Variants in RNLS observed in about 807,000 individuals in gnomAD.
The protein encoded by RNLS is renalase.
In RNLS, 39 loss-of-function variants were observed where a neutral mutation model predicts 39.8. That is an observed-to-expected ratio of 0.98 (90% CI 0.76 to 1.28). RNLS has a LOEUF of 1.28. Among genes scored for constraint, RNLS ranks in the 50% most tolerant of loss-of-function variants. RNLS has a pLI of 0.00. For missense variants in RNLS, 410 were observed against 413.3 expected (o/e 0.99, Z 0.07); for synonymous variants, 147 against 150.7 (o/e 0.98, Z 0.18).
chr10:88,447,091 G>C (rs533647591), intron 4 of RNLS, among the ~76,000 whole-genome samples: 1 of 152,194 alleles, frequency 6.6e-6, no homozygotes, highest in African/African-American at 2.4e-5. Flanking sequence ...CATTCCCTTT[G>C]AAAACTGGCA....
intron 4 of RNLS, among the ~76,000 whole-genome samples, chr10:88,512,514 G>GT (rs1259624720): frequency 6.6e-6 from 1 of 152,044 alleles, no homozygotes; most frequent in Non-Finnish European, 1.5e-5. Flanking sequence ...CAAACTTGTC[G>GT]TTTTTTTATG....
At chr10:88,480,526 A>T (rs1844096560) in intron 4 of RNLS, among the ~76,000 whole-genome samples, 1 of 152,212 alleles carries the variant, frequency 6.6e-6, no homozygotes, top group South Asian at 2.1e-4. Flanking sequence ...GCTTCAAGCG[A>T]TTCTCCTGCC....
intron 4 of RNLS, among the ~76,000 whole-genome samples, chr10:88,486,285 A>T (rs989146927): frequency 1.3e-5 from 2 of 152,176 alleles, no homozygotes; most frequent in African/African-American, 4.8e-5. Flanking sequence ...CAACATAGGC[A>T]ATACTATCCT....
At chr10:88,351,448 G>A (rs1184990621) in intron 5 of RNLS, among the ~76,000 whole-genome samples, 3 of 152,144 alleles carry the variant, frequency 2.0e-5, no homozygotes, top group African/African-American at 7.2e-5. Context: ...TCCTACATAT[G>A]GCTAGCCAGT....
intron 4 of RNLS, among the ~76,000 whole-genome samples, chr10:88,464,004 G>A (rs1220405491): frequency 2.0e-5 from 3 of 152,016 alleles, no homozygotes; most frequent in Non-Finnish European, 2.9e-5. Context: ...GTAGAACAAT[G>A]AAAAGAGTGC....
intron 4 of RNLS, among the ~76,000 whole-genome samples, chr10:88,473,189 G>T (rs1843641401): frequency 6.6e-6 from 1 of 152,108 alleles, no homozygotes; most frequent in African/African-American, 2.4e-5. Context: ...AATATCGTAG[G>T]ATAATCTTAT....
chr10:88,569,560 TAAGTTGATAAA>T (rs1338189820), intron 4 of RNLS, among the ~76,000 whole-genome samples: 1 of 152,122 alleles, frequency 6.6e-6, no homozygotes, highest in African/African-American at 2.4e-5. Flanking sequence ...TGAAAATAAG[TAAGTTGATAAA>T]AAGTAAATGA....
rs543473406 is a variant in RNLS, at chr10:88,578,430, A to C, written c.367+3137T>G. Among the ~76,000 whole-genome samples the C allele has an allele frequency of 1.2e-3, 182 of 152,266 alleles. 1 individual carries two copies. Among genetic ancestry groups the C allele is most frequent in the African/African-American group, 4.2e-3 (173 of 41,564 alleles). On this transcript the variant is annotated intron_variant, in intron 3 of 6. Coordinates refer to ENST00000331772, the MANE Select transcript of RNLS (RefSeq NM_001031709.3). ...AATGTTTTTGTGGACCATTTATAGA[A>C]TAGAAAGGTTAAAGGGACTTAAAGA... is the stretch of plus-strand genomic sequence containing the variant.
At chr10:88,241,760 G>T in the RNLS span, among the ~76,000 whole-genome samples, 1 of 152,154 alleles carries the variant, frequency 6.6e-6, no homozygotes, top group African/African-American at 2.4e-5. Context: ...AGTCCTTCCT[G>T]TTCTCCCCTC....
At chr10:88,390,165 G>C (rs960719288) in intron 4 of RNLS, among the ~76,000 whole-genome samples, 1 of 152,224 alleles carries the variant, frequency 6.6e-6, no homozygotes, top group African/African-American at 2.4e-5. Flanking sequence ...CCTTGAAACT[G>C]TGTTGTGACC....
intron 4 of RNLS, among the ~76,000 whole-genome samples, chr10:88,421,742 T>A (rs1298649090): frequency 6.6e-6 from 1 of 152,168 alleles, no homozygotes; most frequent in African/African-American, 2.4e-5. Flanking sequence ...TATCATGGCA[T>A]TTAAGGTTCC....
intron 4 of RNLS, among the ~76,000 whole-genome samples, chr10:88,365,514 ATAACAC>A (rs1197044254): frequency 3.3e-5 from 3 of 90,780 alleles, no homozygotes; most frequent in Non-Finnish European, 6.5e-5. Context: ...ATAGGATTAT[ATAACAC>A]ACACACACAC....
the RNLS span, among the ~76,000 whole-genome samples, chr10:88,241,215 T>C: frequency 6.6e-6 from 1 of 151,548 alleles, no homozygotes; most frequent in Non-Finnish European, 1.5e-5. Context: ...AATGGTTATT[T>C]GTTAGGGGTT....
chr10:88,287,069 A>G (rs543437008), intron 6 of RNLS, among the ~76,000 whole-genome samples: 1 of 152,218 alleles, frequency 6.6e-6, no homozygotes, highest in East Asian at 1.9e-4. Flanking sequence ...GATTACAGGC[A>G]TAAGCCACCA....
intron 4 of RNLS, among the ~76,000 whole-genome samples, chr10:88,485,565 A>G (rs1844445683): frequency 6.6e-6 from 1 of 151,398 alleles, no homozygotes; most frequent in African/African-American, 2.4e-5. Context: ...AATTACTCCA[A>G]TATTGCCATA....
the RNLS span, among the ~76,000 whole-genome samples, chr10:88,192,563 G>A: frequency 6.6e-6 from 1 of 152,178 alleles, no homozygotes; most frequent in Non-Finnish European, 1.5e-5. Context: ...GTATTGTTTG[G>A]AATTTTCCAC....
intron 4 of RNLS, among the ~76,000 whole-genome samples, chr10:88,364,113 T>C (rs1315975664): frequency 6.6e-6 from 1 of 152,174 alleles, no homozygotes; most frequent in Non-Finnish European, 1.5e-5. Context: ...AGCTGCTTGT[T>C]TATGTATGTA....
Position 88,275,051 on chromosome 10 carries a change from T to G in RNLS, c.877-19A>C, listed in dbSNP as rs975207712. 4.4e-6 allele frequency: 7 copies of G among 1,599,470 alleles called. No individual in the cohort carries two copies. In the Admixed American group the frequency reaches 8.3e-5, roughly 19 times the overall value. ...TTGGTACCTGAAAATCAAAGGAATA[T>G]CCTTCAACCCCAGTGCCACCCAACA... On this transcript the variant is annotated intron_variant, in intron 6 of 6. Transcript: ENST00000371947.
chr10:88,404,260 G>T (rs1447830327), intron 4 of RNLS, among the ~76,000 whole-genome samples: 1 of 152,054 alleles, frequency 6.6e-6, no homozygotes, highest in Non-Finnish European at 1.5e-5. Flanking sequence ...GAAAGTGCAT[G>T]CAACTGAGAA....
Sources: gnomAD v4.1 joint callset for allele counts (sites outside exome capture counted in the v4.1 genomes callset) on GRCh38, gnomAD v4.1.1 for gene constraint, MANE v1.5 for transcripts, NCBI Gene and HGNC (gene_info 2026-07-23, HGNC 2026-07-21) for gene names.